The following BIRC6 variants were observed in gnomAD, a reference collection of about 807,000 sequenced individuals.
The protein encoded by BIRC6 is baculoviral IAP repeat containing 6.
BIRC6 carries 98 observed loss-of-function variants against 503.3 expected under a neutral mutation model. That is an observed-to-expected ratio of 0.19 (90% CI 0.17 to 0.23). The LOEUF (loss-of-function observed/expected upper bound fraction) is 0.23. Ranked by LOEUF, BIRC6 falls within the 10% of genes least tolerant of loss-of-function variation. The pLI is 1.00. For synonymous variants in BIRC6, 2,240 were observed against 2,078.7 expected, an observed-to-expected ratio of 1.08 and a Z score of -2.11; for missense variants, 5,360 against 5,806.0, an observed-to-expected ratio of 0.92 and a Z score of 2.50.
chr2:32,394,155 A>AT (rs1220978056), intron 5 of BIRC6, among the ~76,000 whole-genome samples: 3,680 of 142,552 alleles, frequency 0.026, 126 homozygotes, highest in African/African-American at 0.086. Flanking sequence ...TGATGCCTTG[A>AT]TTTTTTTTTT....
intron 21 of BIRC6, among the ~76,000 whole-genome samples, chr2:32,447,609 T>A (rs1377188756): frequency 2.7e-5 from 2 of 72,936 alleles, no homozygotes; most frequent in Non-Finnish European, 5.5e-5. Flanking sequence ...GGGGGGCTGA[T>A]CCCCCCACCT....
intron 66 of BIRC6, among the ~76,000 whole-genome samples, chr2:32,581,592 C>T (rs750447819): frequency 6.6e-6 from 1 of 152,104 alleles, no homozygotes; most frequent in East Asian, 1.9e-4. Flanking sequence ...GCGGATGGAC[C>T]ATTATCATTT....
chr2:32,420,203 A>G (rs1253198487), intron 10 of BIRC6, among the ~76,000 whole-genome samples: 5 of 152,104 alleles, frequency 3.3e-5, no homozygotes, highest in Admixed American at 3.3e-4. Context: ...TCTGGTTTTG[A>G]TATCAGTGTA....
intron 38 of BIRC6, 105 bp from the exon 39 acceptor site, chr2:32,482,324 T>C (rs921669128): frequency 1.8e-6 from 2 of 1,099,922 alleles, no homozygotes; most frequent in Admixed American, 4.7e-5. Context: ...AAAGGGTGGA[T>C]AGAATATTTA....
chr2:32,530,090 A>C (rs1345083479), intron 60 of BIRC6, among the ~76,000 whole-genome samples: 1 of 152,232 alleles, frequency 6.6e-6, no homozygotes, highest in Non-Finnish European at 1.5e-5. Flanking sequence ...TTGTCATTTT[A>C]TAATAAAAGT....
At chr2:32,358,698 A>G (rs1208853218) in intron 1 of BIRC6, among the ~76,000 whole-genome samples, 4 of 152,226 alleles carry the variant, frequency 2.6e-5, no homozygotes, top group South Asian at 2.1e-4. Flanking sequence ...CAATTTAGGG[A>G]TGCAAACGTG....
At chr2:32,513,858 A>G (rs2054707718) in intron 54 of BIRC6, among the ~76,000 whole-genome samples, 1 of 152,006 alleles carries the variant, frequency 6.6e-6, no homozygotes, top group South Asian at 2.1e-4. Flanking sequence ...GCAGTGTGCT[A>G]AGATTGCACC....
At chr2:32,508,392 A>T in intron 51 of BIRC6, 133 bp downstream of exon 51, 2 of 1,191,954 alleles carry the variant, frequency 1.7e-6, no homozygotes, top group Non-Finnish European at 2.2e-6. Flanking sequence ...AGGTATCTGT[A>T]TAATACAATT....
intron 1 of BIRC6, among the ~76,000 whole-genome samples, chr2:32,369,281 A>G (rs556496992): frequency 6.6e-6 from 1 of 152,354 alleles, no homozygotes; most frequent in African/African-American, 2.4e-5. Flanking sequence ...GATATCTGGC[A>G]TCTATATTAA....
chr2:32,573,487 C>T (rs1345440115), intron 65 of BIRC6, among the ~76,000 whole-genome samples: 1 of 152,150 alleles, frequency 6.6e-6, no homozygotes, highest in African/African-American at 2.4e-5. Flanking sequence ...TGAGTCACCG[C>T]GCCCTGCCAG....
At chr2:32,589,919 C>T (rs2061299523) in intron 66 of BIRC6, among the ~76,000 whole-genome samples, 1 of 152,140 alleles carries the variant, frequency 6.6e-6, no homozygotes, top group African/African-American at 2.4e-5. Flanking sequence ...TCCCTTCTTT[C>T]ATGCTCACTT....
At chr2:32,431,844 A>G (rs892673944) in intron 12 of BIRC6, among the ~76,000 whole-genome samples, 19 of 152,378 alleles carry the variant, frequency 1.2e-4, no homozygotes, top group African/African-American at 4.1e-4. Context: ...TACATATACC[A>G]TGCCATATGG....
At position 32,515,217 on chromosome 2, in the gene BIRC6, C is replaced by T; in HGVS notation, c.10796C>T (p.Ala3599Val). The change falls in exon 55 of 74, where the codon GCA becomes GTA. Residue 3599 changes from alanine to valine, a missense_variant. Coordinates refer to ENST00000421745, the MANE Select transcript of BIRC6 (RefSeq NM_016252.4). ...SSSLTDDSKN[A>V]QAPLALTESH... ...TCTTTAACAGATGACTCTAAAAATG[C>T]ACAAGCACCTCTCGCATTAACTGAA... 1.2e-6 allele frequency: 2 copies of T among 1,613,870 alleles called. No homozygotes were observed. Among genetic ancestry groups the T allele is most frequent in the Non-Finnish European group, 8.5e-7 (1 of 1,179,890 alleles).
At chr2:32,607,777 A>T (rs1278319036) in intron 72 of BIRC6, 134 bp downstream of exon 72, 3 of 602,238 alleles carry the variant, frequency 5.0e-6, no homozygotes, top group Non-Finnish European at 7.8e-6. Flanking sequence ...CAGGAGTCTG[A>T]GACCAGCCTG....
In BIRC6 at chr2:32,394,518, G is replaced by T. The variant is rs2039630692; in HGVS notation, c.952-993G>T. On this transcript the variant is annotated intron_variant, in intron 5 of 73. Coordinates refer to ENST00000421745, the MANE Select transcript of BIRC6 (RefSeq NM_016252.4). Reference sequence around the variant, plus strand: ...TTTTACTTGCCCTTCTTGTTCAGTTGTATGTGATTGAGTATTTAATAATAA... The same window carrying T: ...TTTTACTTGCCCTTCTTGTTCAGTTTTATGTGATTGAGTATTTAATAATAA... Among the ~76,000 whole-genome samples the T allele has an allele frequency of 2.0e-5, 3 of 151,984 alleles. No homozygotes were observed. In the South Asian group the frequency reaches 6.2e-4, roughly 32 times the overall value.
intron 9 of BIRC6, among the ~76,000 whole-genome samples, chr2:32,411,768 C>T (rs1056887392): frequency 6.6e-5 from 10 of 152,046 alleles, no homozygotes; most frequent in African/African-American, 1.7e-4. Flanking sequence ...TGTGGGCCAC[C>T]GCGTCTGGCC....
At chr2:32,424,578 G>A (rs980020077) in intron 10 of BIRC6, among the ~76,000 whole-genome samples, 5 of 151,258 alleles carry the variant, frequency 3.3e-5, no homozygotes, top group African/African-American at 1.2e-4. Context: ...GCACTGACGC[G>A]ATCTCGGCTC....
intron 64 of BIRC6, 23 bp downstream of exon 64, chr2:32,548,037 G>C (rs748903347): frequency 3.2e-5 from 50 of 1,545,708 alleles, no homozygotes; most frequent in Non-Finnish European, 4.3e-5. Flanking sequence ...ACTTGATATT[G>C]TTCATGATAA....
chr2:32,534,730 CAAAAAAAAAAAAAAAAAA>C (rs770672789), intron 61 of BIRC6, among the ~76,000 whole-genome samples: 1,293 of 22,374 alleles, frequency 0.058, 17 homozygotes, highest in Middle Eastern at 0.17. Flanking sequence ...GACTCTGTCT[CAAAAAAAAAAAAAAAAAA>C]AAAAAAAAAA....
Sources: gnomAD v4.1 joint callset for allele counts (sites outside exome capture counted in the v4.1 genomes callset) on GRCh38, gnomAD v4.1.1 for gene constraint, MANE v1.5 for transcripts, NCBI Gene and HGNC (gene_info 2026-07-23, HGNC 2026-07-21) for gene names.